Variants in SORCS3 observed in about 807,000 individuals in gnomAD.
SORCS3 encodes sortilin related VPS10 domain containing receptor 3.
In SORCS3, 57 loss-of-function variants were observed where a neutral mutation model predicts 146.3. The ratio of observed to expected loss-of-function variants is 0.39; its 90% CI spans 0.31 to 0.49. SORCS3 has a LOEUF of 0.49. Among genes scored for constraint, SORCS3 ranks in the 20% least tolerant of loss-of-function variants. The pLI is 0.92. For synonymous variants in SORCS3, 653 were observed against 618.5 expected, an observed-to-expected ratio of 1.06 and a Z score of -0.83; for missense variants, 1,341 against 1,575.5, an observed-to-expected ratio of 0.85 and a Z score of 2.52.
At chr10:104,786,141 C>A (rs944126036) in intron 1 of SORCS3, among the ~76,000 whole-genome samples, 1 of 151,878 alleles carries the variant, frequency 6.6e-6, no homozygotes, top group African/African-American at 2.4e-5. Context: ...CTCATTCATT[C>A]ATTCATTTAT....
At chr10:104,829,747 G>A (rs2017979892) in intron 1 of SORCS3, among the ~76,000 whole-genome samples, 2 of 152,098 alleles carry the variant, frequency 1.3e-5, no homozygotes, top group South Asian at 4.1e-4. Flanking sequence ...ACTGTCAGCA[G>A]TATTTCACTT....
chr10:105,022,619 A>G (rs1285667057), intron 4 of SORCS3, among the ~76,000 whole-genome samples: 2 of 152,190 alleles, frequency 1.3e-5, no homozygotes, highest in Non-Finnish European at 2.9e-5. Context: ...AATTTAAGTC[A>G]TTAAGACAAT....
chr10:104,878,825 G>C (rs2018601917), intron 2 of SORCS3, among the ~76,000 whole-genome samples: 1 of 152,212 alleles, frequency 6.6e-6, no homozygotes, highest in Non-Finnish European at 1.5e-5. Context: ...AGAGGGATTT[G>C]CACGATGTGT....
chr10:104,815,499 A>C (rs1356757378), intron 1 of SORCS3, among the ~76,000 whole-genome samples: 1 of 151,730 alleles, frequency 6.6e-6, no homozygotes, highest in African/African-American at 2.4e-5. Context: ...TTGGAGCATA[A>C]CATTATCGGG....
At chr10:105,250,000 A>G (rs920854880) in intron 22 of SORCS3, among the ~76,000 whole-genome samples, 2 of 152,208 alleles carry the variant, frequency 1.3e-5, no homozygotes, top group Non-Finnish European at 2.9e-5. Context: ...TGGCTTATAA[A>G]CAACAGAAGT....
intron 3 of SORCS3, among the ~76,000 whole-genome samples, chr10:104,965,182 C>T (rs901252951): frequency 2.6e-5 from 4 of 152,126 alleles, no homozygotes; most frequent in Non-Finnish European, 2.9e-5. Flanking sequence ...ACTGGGTGAA[C>T]GTATCTCTCT....
intron 4 of SORCS3, among the ~76,000 whole-genome samples, chr10:104,994,015 A>C (rs1458714541): frequency 6.6e-6 from 1 of 152,228 alleles, no homozygotes; most frequent in East Asian, 1.9e-4. Context: ...AAGCAGAGAC[A>C]GCAAAATCCA....
At chr10:104,946,212 A>T (rs1486151380) in intron 3 of SORCS3, among the ~76,000 whole-genome samples, 1 of 151,626 alleles carries the variant, frequency 6.6e-6, no homozygotes, top group Non-Finnish European at 1.5e-5. Flanking sequence ...GAGGGGATGT[A>T]AGGCTGTTTA....
At chr10:105,137,570 G>T (rs2056067597) in intron 7 of SORCS3, among the ~76,000 whole-genome samples, 1 of 152,074 alleles carries the variant, frequency 6.6e-6, no homozygotes, top group Non-Finnish European at 1.5e-5. Context: ...AGAGGCAGGG[G>T]GTCAGGGCAG....
chr10:105,002,324 A>G (rs750561105), intron 4 of SORCS3, among the ~76,000 whole-genome samples: 5 of 152,162 alleles, frequency 3.3e-5, no homozygotes, highest in African/African-American at 1.2e-4. Flanking sequence ...TTAATTATTC[A>G]TTCTTCCCAC....
At chr10:105,156,206 T>G (rs2056207320) in intron 9 of SORCS3, among the ~76,000 whole-genome samples, 2 of 152,242 alleles carry the variant, frequency 1.3e-5, no homozygotes. Context: ...TTTAATTGCC[T>G]TTGGCAATAT....
intron 1 of SORCS3, among the ~76,000 whole-genome samples, chr10:104,660,677 G>A (rs1478654266): frequency 6.6e-6 from 1 of 152,178 alleles, no homozygotes; most frequent in Non-Finnish European, 1.5e-5. Flanking sequence ...GAATGAGTTG[G>A]GGATGGTTTG....
intron 1 of SORCS3, among the ~76,000 whole-genome samples, chr10:104,768,492 G>A (rs1281372503): frequency 6.6e-6 from 1 of 152,132 alleles, no homozygotes; most frequent in Admixed American, 6.5e-5. Flanking sequence ...ACGGGGCCAG[G>A]GAGAATGGGA....
At chr10:104,777,113 A>G (rs1589495392) in intron 1 of SORCS3, among the ~76,000 whole-genome samples, 2 of 152,286 alleles carry the variant, frequency 1.3e-5, no homozygotes, top group Admixed American at 1.3e-4. Flanking sequence ...GGACCCCAGA[A>G]TTAAGCATCC....
intron 1 of SORCS3, among the ~76,000 whole-genome samples, chr10:104,725,974 C>G (rs140276651): frequency 0.2 from 30,172 of 152,204 alleles, 3,275 homozygotes; most frequent in Non-Finnish European, 0.25. Flanking sequence ...GTGCGCTGCA[C>G]CCACTGTCCT....
intron 4 of SORCS3, among the ~76,000 whole-genome samples, chr10:104,988,565 T>C (rs574156873): frequency 9.8e-5 from 15 of 152,320 alleles, no homozygotes; most frequent in African/African-American, 3.1e-4. Flanking sequence ...ATTCAAATCT[T>C]TGAGTTAATA....
chr10:104,692,429 A>G (rs1197569087), intron 1 of SORCS3, among the ~76,000 whole-genome samples: 1 of 152,198 alleles, frequency 6.6e-6, no homozygotes, highest in Non-Finnish European at 1.5e-5. Flanking sequence ...ATCAGTTCCT[A>G]CAAAGTTGGA....
At position 104,909,788 on chromosome 10, in the gene SORCS3, GT is replaced by G. The variant is rs11462193; in HGVS notation, c.696-6032del. 3.9e-3 allele frequency among the ~76,000 whole-genome samples: 545 copies of G among 138,952 alleles called. 2 individuals are homozygous for G. Among genetic ancestry groups the G allele is most frequent in the Middle Eastern group, 7.4e-3 (2 of 272 alleles). The allele number at this position is 138,952 out of a possible 152,430, so 91.2% of individuals were successfully genotyped here. ...GCTGCATCGACTGGATGTCTTTTCT[GT>G]TTTTTTTTTTTTCTTTTAAAATAGC... On this transcript the variant is annotated intron_variant, in intron 2 of 26. Transcript: ENST00000369701.
chr10:104,964,102 C>T (rs2054813152), intron 3 of SORCS3, among the ~76,000 whole-genome samples: 1 of 152,116 alleles, frequency 6.6e-6, no homozygotes, highest in Non-Finnish European at 1.5e-5. Context: ...TCCTCCAATG[C>T]TCTATTCGAC....
Sources: gnomAD v4.1 joint callset for allele counts (sites outside exome capture counted in the v4.1 genomes callset) on GRCh38, gnomAD v4.1.1 for gene constraint, MANE v1.5 for transcripts, NCBI Gene and HGNC (gene_info 2026-07-23, HGNC 2026-07-21) for gene names.